CLSTN2: variants seen among roughly 807,000 people sequenced by gnomAD.
CLSTN2 encodes calsyntenin-2.
CLSTN2 carries 48 observed loss-of-function variants against 101.2 expected under a neutral mutation model. That is an observed-to-expected ratio of 0.47 (90% CI 0.38 to 0.60). The LOEUF (loss-of-function observed/expected upper bound fraction) is 0.60. CLSTN2 is among the 20% of genes least tolerant of loss of function. The pLI is 0.00. For synonymous variants in CLSTN2, 481 were observed against 463.6 expected, an observed-to-expected ratio of 1.04 and a Z score of -0.48; for missense variants, 1,160 against 1,238.2, an observed-to-expected ratio of 0.94 and a Z score of 0.95.
chr3:140,521,759 C>A (rs886671167), intron 8 of CLSTN2, among the ~76,000 whole-genome samples: 1 of 152,220 alleles, frequency 6.6e-6, no homozygotes, highest in African/African-American at 2.4e-5. Flanking sequence ...ACGGTCACAT[C>A]TCTCCCCAGG....
chr3:140,040,362 A>T (rs1050520845), intron 1 of CLSTN2, among the ~76,000 whole-genome samples: 5 of 152,192 alleles, frequency 3.3e-5, no homozygotes, highest in Non-Finnish European at 7.3e-5. Flanking sequence ...CAAAGAAAGG[A>T]ATAGTCTGAA....
intron 2 of CLSTN2, among the ~76,000 whole-genome samples, chr3:140,288,178 C>G (rs2086914906): frequency 6.6e-6 from 1 of 151,200 alleles, no homozygotes; most frequent in Non-Finnish European, 1.5e-5. Context: ...CACATGTATA[C>G]CTATTGTTAT....
intron 1 of CLSTN2, among the ~76,000 whole-genome samples, chr3:140,059,800 G>C (rs968930527): frequency 3.9e-5 from 6 of 152,034 alleles, no homozygotes; most frequent in Non-Finnish European, 8.8e-5. Flanking sequence ...GCAATGGGAG[G>C]TATTTGTCTA....
At chr3:140,122,385 T>G (rs531626753) in intron 1 of CLSTN2, among the ~76,000 whole-genome samples, 2 of 152,334 alleles carry the variant, frequency 1.3e-5, no homozygotes, top group South Asian at 2.1e-4. Context: ...GAACATTTGG[T>G]ACACAACAGA....
Position 140,546,581 on chromosome 3 carries a change from G to A in CLSTN2, c.1574G>A (p.Arg525His), listed in dbSNP as rs202013971. ...FHGSLASLTI[R>H]PGKMESQKVI... ...GGAAGCCTGGCCAGTCTCACCATCC[G>A]CCCTGGCAAAATGGAAAGCCAGAAG... The change falls in exon 10 of 17, where the codon CGC becomes CAC. Residue 525 changes from arginine to histidine, a missense_variant. Coordinates refer to ENST00000458420, the MANE Select transcript of CLSTN2 (RefSeq NM_022131.3). 13 of 1,613,922 alleles carry A rather than the reference G, an allele frequency of 8.1e-6. No homozygotes were observed. The highest frequency in any genetic ancestry group is 6.7e-5 in the African/African-American group (5 of 74,906).
intron 9 of CLSTN2, among the ~76,000 whole-genome samples, chr3:140,533,215 T>A (rs1018668094): frequency 6.6e-6 from 1 of 152,166 alleles, no homozygotes; most frequent in Non-Finnish European, 1.5e-5. Context: ...GCTGGAGTCT[T>A]TGTTTCAGCT....
At chr3:140,154,697 T>G (rs1576447998) in intron 1 of CLSTN2, among the ~76,000 whole-genome samples, 1 of 130,046 alleles carries the variant, frequency 7.7e-6, no homozygotes, top group African/African-American at 2.9e-5. Context: ...CAGGCTGGAG[T>G]GCAGTGGCCC....
intron 2 of CLSTN2, among the ~76,000 whole-genome samples, chr3:140,254,138 C>G (rs2107877867): frequency 6.6e-6 from 1 of 152,264 alleles, no homozygotes; most frequent in South Asian, 2.1e-4. Flanking sequence ...TTCTCGACTT[C>G]CATTGCACAT....
chr3:140,266,996 A>G (rs1263290003), intron 2 of CLSTN2, among the ~76,000 whole-genome samples: 3 of 152,246 alleles, frequency 2.0e-5, no homozygotes, highest in Admixed American at 6.5e-5. Flanking sequence ...AATGTCTGCC[A>G]TGAGTGCTGG....
chr3:140,230,295 G>A (rs759481294), intron 2 of CLSTN2, among the ~76,000 whole-genome samples: 3 of 152,170 alleles, frequency 2.0e-5, no homozygotes, highest in Non-Finnish European at 2.9e-5. Context: ...CAAATGGATA[G>A]CATCATAAGA....
At chr3:140,510,684 T>C (rs1187462441) in intron 8 of CLSTN2, among the ~76,000 whole-genome samples, 1 of 152,216 alleles carries the variant, frequency 6.6e-6, no homozygotes, top group East Asian at 1.9e-4. Flanking sequence ...AGGTGCTTTC[T>C]GAGCTGTCAT....
intron 2 of CLSTN2, among the ~76,000 whole-genome samples, chr3:140,208,723 T>G (rs887031150): frequency 6.6e-6 from 1 of 152,226 alleles, no homozygotes; most frequent in African/African-American, 2.4e-5. Flanking sequence ...ATCCTTTTTA[T>G]TTTACTCATC....
chr3:140,171,791 A>AATATATAATATGTATTATATATATAAC (rs2010234395), intron 1 of CLSTN2, among the ~76,000 whole-genome samples: 1 of 106,156 alleles, frequency 9.4e-6, no homozygotes, highest in East Asian at 2.2e-4. Context: ...TATAATATAT[A>AATATATAATATGTATTATATATATAAC]ATATATAATA....
At chr3:140,032,440 G>A (rs1450255154) in intron 1 of CLSTN2, among the ~76,000 whole-genome samples, 1 of 151,404 alleles carries the variant, frequency 6.6e-6, no homozygotes, top group East Asian at 2.0e-4. Context: ...GTTCAAGCGC[G>A]ATTCTCCTGC....
intron 4 of CLSTN2, among the ~76,000 whole-genome samples, chr3:140,417,308 GCT>G (rs2088443270): frequency 6.6e-6 from 1 of 151,812 alleles, no homozygotes; most frequent in African/African-American, 2.4e-5. Context: ...ATAGTGTCAG[GCT>G]ATTTTTCAGT....
At chr3:140,202,489 G>A (rs2010729999) in intron 2 of CLSTN2, among the ~76,000 whole-genome samples, 1 of 152,202 alleles carries the variant, frequency 6.6e-6, no homozygotes, top group African/African-American at 2.4e-5. Flanking sequence ...GAGGAAGGAT[G>A]CGGGTGGAGT....
At chr3:140,444,876 C>T (rs1933038923) in intron 5 of CLSTN2, among the ~76,000 whole-genome samples, 1 of 152,166 alleles carries the variant, frequency 6.6e-6, no homozygotes, top group South Asian at 2.1e-4. Context: ...TCCTACCCTC[C>T]AAGAGATGAG....
intron 1 of CLSTN2, among the ~76,000 whole-genome samples, chr3:140,172,403 G>A (rs921208899): frequency 3.3e-5 from 5 of 152,138 alleles, no homozygotes; most frequent in African/African-American, 1.2e-4. Context: ...GGAGTGGGTT[G>A]GGCTAGAACC....
At chr3:140,095,822 C>T (rs915365876) in intron 1 of CLSTN2, among the ~76,000 whole-genome samples, 1 of 152,096 alleles carries the variant, frequency 6.6e-6, no homozygotes, top group African/African-American at 2.4e-5. Flanking sequence ...TTTTCAAGGA[C>T]GGTGACAGCC....
Sources: allele counts gnomAD v4.1 joint callset (sites outside exome capture counted in the v4.1 genomes callset), GRCh38; gene constraint gnomAD v4.1.1; transcripts MANE v1.5; gene names NCBI Gene and HGNC (gene_info 2026-07-23, HGNC 2026-07-21).